The following SHCBP1 variants were observed in gnomAD, a reference collection of about 807,000 sequenced individuals.
The protein encoded by SHCBP1 is SHC SH2 domain-binding protein 1.
In SHCBP1, 60 loss-of-function variants were observed where a neutral mutation model predicts 75.1. That is an observed-to-expected ratio of 0.80 (90% CI 0.65 to 0.99). SHCBP1 has a LOEUF of 0.99. Ranked by LOEUF, SHCBP1 falls within the 50% of genes least tolerant of loss-of-function variation. The pLI is 0.00. For missense variants in SHCBP1, 709 were observed against 809.4 expected, an observed-to-expected ratio of 0.88 and a Z score of 1.50; for synonymous variants, 290 against 293.2, an observed-to-expected ratio of 0.99 and a Z score of 0.11.
rs749780017 is a variant in SHCBP1 at position 46,599,888 on chromosome 16, C to T, written c.1288G>A (p.Asp430Asn). The change falls in exon 9 of 13, where the codon GAT becomes AAT. Residue 430 changes from aspartate (D) to asparagine (N), a missense_variant. Transcript: ENST00000303383. ...GDTFVDCTGA[D>N]IKISGIKFVQ... ...AATTTTATGCCTGAGATTTTAATAT[C>T]AGCACCAGTGCAGTCCACAAAAGTG... The T allele has an allele frequency of 7.4e-6, 12 of 1,612,818 alleles. No individual in the cohort carries two copies. The highest frequency in any genetic ancestry group is 9.3e-6 in the Non-Finnish European group (11 of 1,179,648).
chr16:46,616,197 T>C lies in SHCBP1; in HGVS notation c.388-43A>G. The C allele has an allele frequency of 3.8e-6, 6 of 1,582,204 alleles. No individual in the cohort carries two copies. The highest frequency in any genetic ancestry group is 4.2e-4 in the Middle Eastern group (2 of 4,734). The stretch of plus-strand genomic sequence containing the variant: ...GTGACTTAACACATGGAAATCAAAA[T>C]GAAGATACACCTATAAGACACTACT... On this transcript the variant is annotated intron_variant, in intron 3 of 12. Transcript: ENST00000303383. The surrounding 1 kb of genome is among the most constrained non-coding windows in gnomAD (Gnocchi z 4.4).
chr16:46,592,939 G>A (rs1965068861), intron 10 of SHCBP1, among the ~76,000 whole-genome samples: 1 of 4,694 alleles, frequency 2.1e-4, no homozygotes, highest in Admixed American at 4.2e-3. Context: ...ATCCACTTAT[G>A]ATAAAAATTC....
At position 46,584,023 on chromosome 16, in the gene SHCBP1, TG is replaced by T; in HGVS notation, c.1530del (p.Cys510Ter). On this transcript the variant is annotated frameshift_variant, in exon 11 of 13. Transcript: ENST00000303383. LOFTEE classifies it high-confidence loss of function. The stretch of plus-strand genomic sequence containing the variant: ...CTCACCTTAATGAGGATCCCTTCCT[TG>T]CAGTGATGGATCCCATTGTCACTCA... ...CTLSDNGIHH[C>X]KEGILIKDFL... is the part of the protein sequence containing the mutation. 6.2e-7 allele frequency: 1 copy of T among 1,607,466 alleles called. No individual in the cohort carries two copies. Among genetic ancestry groups the T allele is most frequent in the Non-Finnish European group, 8.5e-7 (1 of 1,176,536 alleles).
chr16:46,616,015 T>G lies in SHCBP1; in HGVS notation c.527A>C (p.Gln176Pro). 1 of 1,614,186 alleles carries G rather than the reference T, an allele frequency of 6.2e-7. No homozygotes were observed. The highest frequency in any genetic ancestry group is 8.5e-7 in the Non-Finnish European group (1 of 1,180,032). The change falls in exon 4 of 13, where the codon CAG (glutamine) becomes CCG (proline). Residue 176 changes from glutamine to proline, a missense_variant. Transcript: ENST00000303383. This position sits in a 1 kb window ranked among gnomAD's most constrained non-coding sequence, Gnocchi z 4.4. ...ATCATCAAACACCACCCACAGCTCC[T>G]GCAGGGGCAACCGATGCTCCTTCAG... ...LDLKEHRLPLQELWVVFDDSG... is the reference protein window; with the variant it reads ...LDLKEHRLPLPELWVVFDDSG...
intron 10 of SHCBP1, among the ~76,000 whole-genome samples, chr16:46,588,484 G>C (rs548274551): frequency 2.0e-5 from 3 of 152,084 alleles, no homozygotes; most frequent in African/African-American, 4.8e-5. Flanking sequence ...AACTAATAAA[G>C]GGGATATCAC....
chr16:46,581,552 AT>A lies in SHCBP1; in HGVS notation c.*176del. 1 of 575,416 alleles carries A rather than the reference AT, an allele frequency of 1.7e-6. No individual in the cohort carries two copies. The highest frequency in any genetic ancestry group is 1.9e-5 in the African/African-American group (1 of 53,074). The allele number at this position is 575,416 out of a possible 1,614,324, so 35.6% of individuals were successfully genotyped here. A position where few individuals can be genotyped will look rare whatever the true frequency, so the allele number is the denominator to read the frequency against. ...TTTATATGCATTTATGATTTTTCTT[AT>A]AAAGAGGGAGTGTTTTATGTGCAAC... On this transcript the variant is annotated 3_prime_UTR_variant, in exon 13 of 13. Transcript: ENST00000303383.
chr16:46,581,741 T>C lies in SHCBP1; in HGVS notation c.2007A>G (p.Thr669=). 1.2e-6 allele frequency: 2 copies of C among 1,612,926 alleles called. No homozygotes were observed. The highest frequency in any genetic ancestry group is 1.7e-6 in the Non-Finnish European group (2 of 1,179,112). The change falls in exon 13 of 13, where the codon ACA becomes ACG. Residue 669 remains threonine (T), a synonymous_variant. Transcript: ENST00000303383. ...FKWNGKGSFG[T]FLF ...TACATCACTGTAGTCAGAAAAGAAATGTGCCAAAACTACCTTTCCCATTCC... is the reference window on the plus strand; with the variant it reads ...TACATCACTGTAGTCAGAAAAGAAACGTGCCAAAACTACCTTTCCCATTCC...
intron 10 of SHCBP1, among the ~76,000 whole-genome samples, chr16:46,591,151 A>G (rs1402745902): frequency 1.3e-5 from 2 of 152,146 alleles, no homozygotes; most frequent in Non-Finnish European, 2.9e-5. Context: ...GGAACATCAC[A>G]CACTGGGGCC....
In SHCBP1 at chr16:46,581,684, C is replaced by T. The variant is rs750309078; in HGVS notation, c.*45G>A. The T allele has an allele frequency of 1.3e-6, 2 of 1,518,284 alleles. No individual in the cohort carries two copies. Among genetic ancestry groups the T allele is most frequent in the Non-Finnish European group, 1.8e-6 (2 of 1,108,908 alleles). 94.1% of individuals were successfully genotyped at this position (1,518,284 alleles called of 1,614,324 possible). A position where few individuals can be genotyped will look rare whatever the true frequency, so the allele number is the denominator to read the frequency against. On this transcript the variant is annotated 3_prime_UTR_variant, in exon 13 of 13. Transcript: ENST00000303383. ...ATGGCAGCAGTGATTCTTAGGGCAG[C>T]ATGTGCAAAATCCAGTATTTTGCTA...
At chr16:46,615,245 T>C (rs1238430511) in intron 4 of SHCBP1, among the ~76,000 whole-genome samples, 2 of 152,236 alleles carry the variant, frequency 1.3e-5, no homozygotes, top group African/African-American at 4.8e-5. Flanking sequence ...CAACTATTTA[T>C]GTTAATGGTA....
At chr16:46,592,315 C>T (rs1965059752) in intron 10 of SHCBP1, among the ~76,000 whole-genome samples, 1 of 152,032 alleles carries the variant, frequency 6.6e-6, no homozygotes, top group South Asian at 2.1e-4. Flanking sequence ...GGAAATACTA[C>T]AAACAATTCT....
intron 4 of SHCBP1, among the ~76,000 whole-genome samples, chr16:46,610,715 C>A (rs1191637066): frequency 6.6e-6 from 1 of 151,438 alleles, no homozygotes; most frequent in African/African-American, 2.4e-5. Flanking sequence ...CGCGCTACCA[C>A]GCCCTGCTAT....
At chr16:46,620,527 T>C (rs1208667459) in intron 1 of SHCBP1, 3 of 152,254 alleles carry the variant, frequency 2.0e-5, no homozygotes, top group African/African-American at 7.2e-5. Flanking sequence ...AGTACAACCA[T>C]TGGCATAGTC....
intron 10 of SHCBP1, chr16:46,584,308 C>G (rs932919169): frequency 1.2e-5 from 3 of 259,262 alleles, no homozygotes; most frequent in African/African-American, 7.7e-5. Context: ...ACCACACACA[C>G]ACACACACAC....
chr16:46,603,357 C>T (rs1965272792), intron 8 of SHCBP1, among the ~76,000 whole-genome samples, 182 bp downstream of exon 8: 1 of 152,162 alleles, frequency 6.6e-6, no homozygotes, highest in Admixed American at 6.5e-5. Flanking sequence ...AACCACAACT[C>T]AAATTGCTGA....
chr16:46,615,468 G>A (rs1303024837), intron 4 of SHCBP1, among the ~76,000 whole-genome samples: 4 of 152,138 alleles, frequency 2.6e-5, no homozygotes, highest in Non-Finnish European at 5.9e-5. Flanking sequence ...CCAGGTGCAC[G>A]GTGGGTCACA....
intron 5 of SHCBP1, 125 bp downstream of exon 5, chr16:46,608,172 T>C (rs1965351808): frequency 4.8e-6 from 3 of 619,448 alleles, no homozygotes; most frequent in Admixed American, 2.9e-5. Flanking sequence ...GGAAAGAAAA[T>C]CAGAGAGAGA....
In SHCBP1 at chr16:46,608,289, ATACT is replaced by A; in HGVS notation, c.689+4_689+7del. 3.1e-6 allele frequency: 5 copies of A among 1,603,838 alleles called. No homozygotes were observed. The highest frequency in any genetic ancestry group is 2.2e-5 in the East Asian group (1 of 44,784). ...ACATGTACAACAAGGTCAGCAATAA[ATACT>A]TACAATCTTAATCGAGGTTCAACAC... On this transcript the variant is annotated splice_donor_5th_base_variant and intron_variant, in intron 5 of 12. Transcript: ENST00000303383.
chr16:46,589,996 A>T (rs1384626533), intron 10 of SHCBP1, among the ~76,000 whole-genome samples: 17 of 150,730 alleles, frequency 1.1e-4, no homozygotes, highest in African/African-American at 2.0e-4. Context: ...AACAGAACAG[A>T]GCCCTCAGAA....
Sources: allele counts gnomAD v4.1 joint callset (sites outside exome capture counted in the v4.1 genomes callset), GRCh38; gene constraint gnomAD v4.1.1; non-coding constraint Gnocchi (gnomAD v3.1); transcripts MANE v1.5; gene names NCBI Gene and HGNC (gene_info 2026-07-23, HGNC 2026-07-21).